Variants in GSK3B observed in about 807,000 individuals in gnomAD.
The protein encoded by GSK3B is glycogen synthase kinase-3 beta.
A neutral mutation model predicts 56.4 loss-of-function variants in GSK3B; 15 were observed. The observed-to-expected ratio is 0.27, with a 90% confidence interval of 0.18 to 0.41. The LOEUF (loss-of-function observed/expected upper bound fraction) is 0.41. Among genes scored for constraint, GSK3B ranks in the 10% least tolerant of loss-of-function variants. The probability of loss-of-function intolerance (pLI) is 1.00; values close to 1 mark genes in which losing one functional copy is unlikely to be tolerated. For synonymous variants in GSK3B, 181 were observed against 188.9 expected, an observed-to-expected ratio of 0.96 and a Z score of 0.34; for missense variants, 300 against 513.4, an observed-to-expected ratio of 0.58 and a Z score of 4.02.
At position 119,864,678 on chromosome 3, in the gene GSK3B, C is replaced by T. The variant is rs866517660; in HGVS notation, c.910-1073G>A. 2.1e-4 allele frequency among the ~76,000 whole-genome samples: 32 copies of T among 152,326 alleles called. No homozygotes were observed. In the Middle Eastern group the frequency reaches 0.01, roughly 49 times the overall value. ...GGAGCAGCCTGGAAGGCTAAGGTTTCCTCGTAAGAATGGCTCATGTAACAT... is the reference window on the plus strand; with the variant it reads ...GGAGCAGCCTGGAAGGCTAAGGTTTTCTCGTAAGAATGGCTCATGTAACAT... On this transcript the variant is annotated intron_variant, in intron 8 of 10. Transcript: ENST00000264235.
chr3:120,092,870 G>C (rs970946842), intron 1 of GSK3B, among the ~76,000 whole-genome samples: 1 of 152,150 alleles, frequency 6.6e-6, no homozygotes, highest in Non-Finnish European at 1.5e-5. Flanking sequence ...GGGAGGGTGG[G>C]ACATTTAACG....
At chr3:119,889,136 T>C (rs543656165) in intron 7 of GSK3B, among the ~76,000 whole-genome samples, 111 of 152,258 alleles carry the variant, frequency 7.3e-4, no homozygotes, top group Non-Finnish European at 1.3e-3. Context: ...ACCTACTCCC[T>C]GTTCTTGCAT....
At chr3:120,090,439 AC>A (rs1001748170) in intron 1 of GSK3B, among the ~76,000 whole-genome samples, 30 of 152,094 alleles carry the variant, frequency 2.0e-4, no homozygotes, top group African/African-American at 7.0e-4. Context: ...AAGAAAGTGA[AC>A]TCACCTACCC....
intron 7 of GSK3B, among the ~76,000 whole-genome samples, chr3:119,880,280 T>C (rs1157457231): frequency 6.6e-6 from 1 of 152,232 alleles, no homozygotes; most frequent in Non-Finnish European, 1.5e-5. Context: ...TTGAATAATG[T>C]CTATTCAGAT....
At chr3:119,859,571 A>C (rs1261585444) in intron 9 of GSK3B, among the ~76,000 whole-genome samples, 1 of 152,176 alleles carries the variant, frequency 6.6e-6, no homozygotes, top group African/African-American at 2.4e-5. Context: ...ACTCATTTTC[A>C]ATTCCATGTT....
At chr3:119,930,417 A>C (rs2056934710) in intron 3 of GSK3B, among the ~76,000 whole-genome samples, 1 of 152,234 alleles carries the variant, frequency 6.6e-6, no homozygotes, top group Admixed American at 6.5e-5. Context: ...TTTAAAAAAA[A>C]AAATGTGCTT....
chr3:119,844,254 C>T (rs981358868), intron 9 of GSK3B, among the ~76,000 whole-genome samples: 8 of 151,764 alleles, frequency 5.3e-5, no homozygotes, highest in Non-Finnish European at 7.4e-5. Context: ...ACCCTAACAT[C>T]ACAATTAAAA....
chr3:120,073,274 A>G (rs562775715), intron 1 of GSK3B, among the ~76,000 whole-genome samples: 5 of 150,638 alleles, frequency 3.3e-5, no homozygotes, highest in Non-Finnish European at 7.4e-5. Context: ...CTGTAGTCCT[A>G]GCTAATTGAA....
At chr3:120,062,254 A>G (rs920070503) in intron 1 of GSK3B, among the ~76,000 whole-genome samples, 2 of 152,238 alleles carry the variant, frequency 1.3e-5, no homozygotes, top group African/African-American at 2.4e-5. Flanking sequence ...GAACTACTCC[A>G]ATATTCATAG....
At chr3:119,983,692 AC>A (rs1307328976) in intron 2 of GSK3B, among the ~76,000 whole-genome samples, 1 of 152,206 alleles carries the variant, frequency 6.6e-6, no homozygotes, top group Non-Finnish European at 1.5e-5. Flanking sequence ...ATACAGGAGC[AC>A]CCAGATTCAT....
intron 2 of GSK3B, among the ~76,000 whole-genome samples, chr3:119,960,996 C>T (rs745639120): frequency 2.8e-4 from 43 of 152,028 alleles, no homozygotes; most frequent in Non-Finnish European, 5.6e-4. Flanking sequence ...AAAAGAGATA[C>T]GTTAATACAT....
At chr3:119,962,383 A>C (rs1292216975) in intron 2 of GSK3B, among the ~76,000 whole-genome samples, 1 of 151,616 alleles carries the variant, frequency 6.6e-6, no homozygotes, top group Admixed American at 6.6e-5. Context: ...CTCAAAAAAA[A>C]AAAAAAACAA....
intron 1 of GSK3B, among the ~76,000 whole-genome samples, chr3:120,023,749 C>G (rs1166988328): frequency 6.6e-6 from 1 of 152,112 alleles, no homozygotes; most frequent in Non-Finnish European, 1.5e-5. Flanking sequence ...AACAGTGTAC[C>G]TGACAATCTA....
At chr3:119,915,718 G>T (rs1293990032) in intron 5 of GSK3B, among the ~76,000 whole-genome samples, 1 of 151,956 alleles carries the variant, frequency 6.6e-6, no homozygotes, top group Non-Finnish European at 1.5e-5. Context: ...GTATTACTCT[G>T]CATGTACCGT....
At chr3:119,851,298 A>AT (rs2055927428) in intron 9 of GSK3B, among the ~76,000 whole-genome samples, 1 of 152,226 alleles carries the variant, frequency 6.6e-6, no homozygotes, top group Admixed American at 6.5e-5. Flanking sequence ...CAAACTCAAT[A>AT]AACTCAAATA....
chr3:119,903,042 A>AAC (rs1167406141), intron 7 of GSK3B, among the ~76,000 whole-genome samples: 1 of 152,100 alleles, frequency 6.6e-6, no homozygotes, highest in African/African-American at 2.4e-5. Flanking sequence ...GGCTACATTA[A>AAC]ACACACACAC....
chr3:120,024,359 A>C (rs896877343), intron 1 of GSK3B, among the ~76,000 whole-genome samples: 6 of 152,172 alleles, frequency 3.9e-5, no homozygotes, highest in Non-Finnish European at 7.3e-5. Context: ...TCTCAAAAAA[A>C]ACAATTCCAG....
chr3:119,947,968 G>C (rs997018436), intron 2 of GSK3B, among the ~76,000 whole-genome samples: 1 of 151,562 alleles, frequency 6.6e-6, no homozygotes, highest in African/African-American at 2.4e-5. Flanking sequence ...AAGTTTCAAA[G>C]TTATGTTCAT....
intron 1 of GSK3B, among the ~76,000 whole-genome samples, chr3:120,077,287 C>T (rs1039090554): frequency 3.3e-5 from 5 of 151,970 alleles, no homozygotes; most frequent in African/African-American, 7.3e-5. Context: ...CATCAATGGA[C>T]GAATGGTTAA....
Sources: gnomAD v4.1 joint callset for allele counts (sites outside exome capture counted in the v4.1 genomes callset) on GRCh38, gnomAD v4.1.1 for gene constraint, MANE v1.5 for transcripts, NCBI Gene and HGNC (gene_info 2026-07-23, HGNC 2026-07-21) for gene names.